PPARGC1A: variants seen among roughly 807,000 people sequenced by gnomAD.
PPARGC1A encodes PPARG coactivator 1 alpha.
PPARGC1A carries 25 observed loss-of-function variants against 88.7 expected under a neutral mutation model. The ratio of observed to expected loss-of-function variants is 0.28; its 90% confidence interval spans 0.21 to 0.39. The LOEUF is 0.39. PPARGC1A is among the 10% of genes least tolerant of loss of function. The pLI is 1.00. For missense variants in PPARGC1A, 880 were observed against 968.7 expected, an observed-to-expected ratio of 0.91 and a Z score of 1.22; for synonymous variants, 363 against 355.6, an observed-to-expected ratio of 1.02 and a Z score of -0.24.
chr4:24,363,393 T>G, the PPARGC1A span, among the ~76,000 whole-genome samples: 2 of 152,242 alleles, frequency 1.3e-5, no homozygotes, highest in Non-Finnish European at 2.9e-5. Flanking sequence ...TAGAAGTACT[T>G]TTAACATTCA....
chr4:23,839,874 C>T (rs142340179), intron 2 of PPARGC1A, among the ~76,000 whole-genome samples: 1 of 151,894 alleles, frequency 6.6e-6, no homozygotes, highest in Non-Finnish European at 1.5e-5. Flanking sequence ...TTCACTATCA[C>T]GACAACAGCA....
chr4:24,365,698 T>G, the PPARGC1A span, among the ~76,000 whole-genome samples: 2 of 152,224 alleles, frequency 1.3e-5, no homozygotes, highest in South Asian at 4.1e-4. Context: ...AAATGCCTTT[T>G]TTCCCAATCA....
At chr4:24,114,252 C>A in the PPARGC1A span, among the ~76,000 whole-genome samples, 1 of 152,004 alleles carries the variant, frequency 6.6e-6, no homozygotes, top group Non-Finnish European at 1.5e-5. Context: ...TACAGTGAAC[C>A]ACTGTTAGCT....
chr4:24,066,379 T>C, the PPARGC1A span, among the ~76,000 whole-genome samples: 5 of 152,188 alleles, frequency 3.3e-5, no homozygotes, highest in African/African-American at 4.8e-5. Flanking sequence ...AAAAATTTGC[T>C]TCACCTGAAA....
chr4:24,451,818 T>G, the PPARGC1A span, among the ~76,000 whole-genome samples: 1 of 152,152 alleles, frequency 6.6e-6, no homozygotes, highest in Non-Finnish European at 1.5e-5. Flanking sequence ...CCTCGCAATC[T>G]GCCCGCCTCA....
At chr4:24,283,411 A>G in the PPARGC1A span, among the ~76,000 whole-genome samples, 2 of 152,232 alleles carry the variant, frequency 1.3e-5, no homozygotes, top group African/African-American at 4.8e-5. Flanking sequence ...TATTTAATAC[A>G]TGAAAGTTCT....
the PPARGC1A span, among the ~76,000 whole-genome samples, chr4:24,100,707 T>C: frequency 1.3e-5 from 2 of 152,122 alleles, no homozygotes; most frequent in Non-Finnish European, 2.9e-5. Flanking sequence ...AATTAAACTA[T>C]GAAAACCAGG....
At chr4:24,072,006 T>C in the PPARGC1A span, among the ~76,000 whole-genome samples, 2 of 151,580 alleles carry the variant, frequency 1.3e-5, no homozygotes, top group African/African-American at 4.8e-5. Flanking sequence ...GCCTGAAAAA[T>C]AGGAAGAAGT....
At chr4:24,161,596 G>C in the PPARGC1A span, among the ~76,000 whole-genome samples, 2 of 152,168 alleles carry the variant, frequency 1.3e-5, no homozygotes, top group East Asian at 3.8e-4. Context: ...AAAGGGGAAT[G>C]GAGCCTGGGC....
At chr4:24,190,464 G>A in the PPARGC1A span, among the ~76,000 whole-genome samples, 131 of 152,172 alleles carry the variant, frequency 8.6e-4, no homozygotes, top group East Asian at 5.2e-3. Flanking sequence ...GCAGTGAGCC[G>A]AGATCGCACC....
the PPARGC1A span, among the ~76,000 whole-genome samples, chr4:24,069,830 T>A: frequency 6.6e-6 from 1 of 152,224 alleles, no homozygotes; most frequent in Non-Finnish European, 1.5e-5. Flanking sequence ...CACTCTGTAC[T>A]GACAATAAAC....
chr4:24,127,839 GA>G, the PPARGC1A span, among the ~76,000 whole-genome samples: 6 of 151,722 alleles, frequency 4.0e-5, no homozygotes, highest in South Asian at 2.1e-4. Flanking sequence ...TACCATTATA[GA>G]AAAAAAATAG....
chr4:23,872,958 A>C (rs1446451187), intron 2 of PPARGC1A, among the ~76,000 whole-genome samples: 1 of 152,016 alleles, frequency 6.6e-6, no homozygotes, highest in Non-Finnish European at 1.5e-5. Flanking sequence ...CGGGAGGCCG[A>C]GGTGGGCGGA....
the PPARGC1A span, among the ~76,000 whole-genome samples, chr4:24,437,519 G>T: frequency 6.6e-6 from 1 of 152,124 alleles, no homozygotes; most frequent in South Asian, 2.1e-4. Flanking sequence ...GATGAGGCTG[G>T]CAACCCCTCG....
chr4:24,428,124 C>CAA, the PPARGC1A span, among the ~76,000 whole-genome samples: 1,592 of 136,914 alleles, frequency 0.012, 21 homozygotes, highest in African/African-American at 0.037. Context: ...ACCCTGTCTC[C>CAA]AAAAAAAAAA....
chr4:24,319,826 G>A, the PPARGC1A span, among the ~76,000 whole-genome samples: 219 of 152,276 alleles, frequency 1.4e-3, 1 homozygote, highest in Non-Finnish European at 1.1e-3. Context: ...CTATAAGAGG[G>A]ATATGTTACC....
At chr4:23,942,076 A>G in the PPARGC1A span, among the ~76,000 whole-genome samples, 22,719 of 145,340 alleles carry the variant, frequency 0.16, 2,392 homozygotes, top group Admixed American at 0.33. Flanking sequence ...AGATAGTGGG[A>G]AAAAAAAAAG....
chr4:24,224,027 T>C, the PPARGC1A span, among the ~76,000 whole-genome samples: 1 of 152,146 alleles, frequency 6.6e-6, no homozygotes, highest in Non-Finnish European at 1.5e-5. Context: ...AGCCAAAAAC[T>C]CAAGAGTTTA....
the PPARGC1A span, among the ~76,000 whole-genome samples, chr4:24,376,624 A>G: frequency 5.8e-4 from 88 of 152,348 alleles, no homozygotes; most frequent in South Asian, 2.5e-3. Flanking sequence ...GGATAAAAGA[A>G]TTCACCATTT....
Sources: gnomAD v4.1 joint callset for allele counts (sites outside exome capture counted in the v4.1 genomes callset) on GRCh38, gnomAD v4.1.1 for gene constraint, MANE v1.5 for transcripts, NCBI Gene and HGNC (gene_info 2026-07-23, HGNC 2026-07-21) for gene names.